CAMTA1: variants seen among roughly 807,000 people sequenced by gnomAD.
CAMTA1 encodes calmodulin binding transcription activator 1, also known as calmodulin-binding transcription activator 1.
CAMTA1 carries 27 observed loss-of-function variants against 170.9 expected under a neutral mutation model. The observed-to-expected ratio is 0.16, with a 90% CI of 0.12 to 0.22. The LOEUF (loss-of-function observed/expected upper bound fraction) is 0.22. CAMTA1 is among the 10% of genes least tolerant of loss of function. The pLI is 1.00. For missense variants in CAMTA1, 1,619 were observed against 2,217.2 expected (o/e 0.73, Z 5.42); for synonymous variants, 833 against 891.5 (o/e 0.93, Z 1.17).
Position 7,293,055 on chromosome 1 carries a change from C to CTACT in CAMTA1, c.438+43430_438+43433dup, listed in dbSNP as rs1673387728. Among the ~76,000 whole-genome samples the CTACT allele has an allele frequency of 6.6e-6, 1 of 152,148 alleles. No individual in the cohort carries two copies. Among genetic ancestry groups the CTACT allele is most frequent in the Admixed American group, 6.5e-5 (1 of 15,276 alleles). On this transcript the variant is annotated intron_variant, in intron 5 of 22. Coordinates refer to ENST00000303635, the MANE Select transcript of CAMTA1 (RefSeq NM_015215.4). The surrounding 1 kb of genome is among the most constrained non-coding windows in gnomAD (Gnocchi z 4.1). The stretch of plus-strand genomic sequence containing the variant: ...AAGTGGCAAGCTCCGGCGGGGTGTC[C>CTACT]TACTCCCTGCTGGGTCACTGGAGCT...
intron 3 of CAMTA1, among the ~76,000 whole-genome samples, chr1:6,878,667 T>G (rs1346670791): frequency 6.6e-6 from 1 of 152,074 alleles, no homozygotes; most frequent in East Asian, 1.9e-4. Context: ...CAGGAACCGC[T>G]CCCCCAAGGA....
At chr1:7,353,082 C>T (rs150867674) in intron 5 of CAMTA1, among the ~76,000 whole-genome samples, 34 of 152,338 alleles carry the variant, frequency 2.2e-4, no homozygotes, top group African/African-American at 8.2e-4. Flanking sequence ...TTGGGAACCT[C>T]GGGGGTCAGC....
intron 5 of CAMTA1, among the ~76,000 whole-genome samples, chr1:7,336,398 C>A (rs1374451073): frequency 6.6e-6 from 1 of 152,236 alleles, no homozygotes. Flanking sequence ...AACTTGCAAA[C>A]CCAGACCAGG....
In CAMTA1 at chr1:7,640,674, A is replaced by C. The variant is rs1443053700; in HGVS notation, c.664+121A>C. ...CGGGTCCGGAGCCCCATCTTGCTGG[A>C]ATGACAGTGGCACCGTGAGCTTAGC... On this transcript the variant is annotated intron_variant, in intron 7 of 22. Coordinates refer to ENST00000303635, the MANE Select transcript of CAMTA1 (RefSeq NM_015215.4). The C allele has an allele frequency of 4.3e-6, 5 of 1,154,956 alleles. No individual in the cohort carries two copies. In the African/African-American group the frequency reaches 7.6e-5, roughly 17 times the overall value. The allele number at this position is 1,154,956 out of a possible 1,614,324, so 71.5% of individuals were successfully genotyped here. A position where few individuals can be genotyped will look rare whatever the true frequency, so the allele number is the denominator to read the frequency against.
intron 7 of CAMTA1, among the ~76,000 whole-genome samples, chr1:7,644,174 G>A (rs1414625092): frequency 1.3e-5 from 2 of 152,144 alleles, no homozygotes; most frequent in African/African-American, 2.4e-5. Flanking sequence ...TGAGATGGGG[G>A]CTCCGTGACC....
chr1:7,620,840 A>C (rs777332331), intron 6 of CAMTA1, among the ~76,000 whole-genome samples: 1 of 152,140 alleles, frequency 6.6e-6, no homozygotes, highest in African/African-American at 2.4e-5. Flanking sequence ...ACCATTCAAG[A>C]GTGGGTCAGC....
intron 1 of CAMTA1, among the ~76,000 whole-genome samples, chr1:6,814,227 G>A (rs1016841326): frequency 4.6e-5 from 7 of 152,266 alleles, no homozygotes; most frequent in African/African-American, 1.7e-4. Flanking sequence ...ATTTCTGAAA[G>A]GAGTAACTAT....
chr1:7,059,098 C>T (rs1707823221), intron 3 of CAMTA1, among the ~76,000 whole-genome samples: 1 of 152,210 alleles, frequency 6.6e-6, no homozygotes, highest in Non-Finnish European at 1.5e-5. Flanking sequence ...CCTCACCAGG[C>T]TCCTTGGGAT....
At chr1:7,205,185 G>T (rs1195991047) in intron 4 of CAMTA1, among the ~76,000 whole-genome samples, 1 of 151,618 alleles carries the variant, frequency 6.6e-6, no homozygotes, top group Non-Finnish European at 1.5e-5. Context: ...TCCGCTCACT[G>T]CAACCTCTGC....
At chr1:7,095,467 T>G (rs1048509926) in intron 4 of CAMTA1, among the ~76,000 whole-genome samples, 5 of 152,202 alleles carry the variant, frequency 3.3e-5, no homozygotes, top group Non-Finnish European at 5.9e-5. Context: ...TTCTGGCAGC[T>G]CTGCCAGGTA....
intron 11 of CAMTA1, among the ~76,000 whole-genome samples, chr1:7,723,908 C>CT (rs2096665586): frequency 6.6e-6 from 1 of 152,222 alleles, no homozygotes. Context: ...CAACCTCTGC[C>CT]TCCTGGGTTC....
At chr1:7,094,146 A>C (rs190765143) in intron 4 of CAMTA1, among the ~76,000 whole-genome samples, 21 of 152,322 alleles carry the variant, frequency 1.4e-4, no homozygotes, top group African/African-American at 4.8e-4. Context: ...TATTAGTATT[A>C]TAATATCCAC....
chr1:7,359,491 C>G (rs183121808), intron 5 of CAMTA1, among the ~76,000 whole-genome samples: 1 of 152,348 alleles, frequency 6.6e-6, no homozygotes, highest in East Asian at 1.9e-4. Flanking sequence ...AGCCCATCCT[C>G]CTAGCACCAC....
chr1:7,539,944 T>C (rs1317015231), intron 6 of CAMTA1, among the ~76,000 whole-genome samples: 4 of 152,342 alleles, frequency 2.6e-5, no homozygotes, highest in Admixed American at 2.0e-4. Context: ...TACTTTTGCA[T>C]GGATCACCTT....
chr1:6,899,542 G>GCA (rs151183377), intron 3 of CAMTA1, among the ~76,000 whole-genome samples: 2 of 124,642 alleles, frequency 1.6e-5, no homozygotes, highest in African/African-American at 3.0e-5. Flanking sequence ...TGTATAACGC[G>GCA]CACGCGCGCG....
intron 5 of CAMTA1, among the ~76,000 whole-genome samples, chr1:7,347,121 C>T (rs1051851171): frequency 6.6e-6 from 1 of 152,212 alleles, no homozygotes; most frequent in Non-Finnish European, 1.5e-5. Context: ...GATCCGGCTG[C>T]CTCATCCCGG....
chr1:7,647,293 GTTTA>G (rs1368174823), intron 7 of CAMTA1, among the ~76,000 whole-genome samples: 2 of 151,708 alleles, frequency 1.3e-5, no homozygotes, highest in African/African-American at 2.4e-5. Context: ...GGGGGGCTGT[GTTTA>G]TTTGTTTTGT....
intron 6 of CAMTA1, among the ~76,000 whole-genome samples, chr1:7,629,942 G>C (rs867302449): frequency 6.6e-6 from 1 of 152,028 alleles, no homozygotes; most frequent in African/African-American, 2.4e-5. Flanking sequence ...TGAGCCTCTC[G>C]CCCTGCACGT....
At chr1:7,359,466 G>A (rs945451642) in intron 5 of CAMTA1, among the ~76,000 whole-genome samples, 2 of 152,130 alleles carry the variant, frequency 1.3e-5, no homozygotes, top group Admixed American at 6.5e-5. Flanking sequence ...TGAACAGGAC[G>A]CAGAGGACTC....
Sources: allele counts gnomAD v4.1 joint callset (sites outside exome capture counted in the v4.1 genomes callset), GRCh38; gene constraint gnomAD v4.1.1; non-coding constraint Gnocchi (gnomAD v3.1); transcripts MANE v1.5; gene names NCBI Gene and HGNC (gene_info 2026-07-23, HGNC 2026-07-21).